NLRC3: variants seen among roughly 807,000 people sequenced by gnomAD.
The protein encoded by NLRC3 is NLR family CARD domain-containing protein 3.
NLRC3 carries 87 observed loss-of-function variants against 91.6 expected under a neutral mutation model. The ratio of observed to expected loss-of-function variants is 0.95; its 90% CI spans 0.80 to 1.14. NLRC3 has a LOEUF of 1.14. NLRC3 is among the 50% of genes most tolerant of loss of function. The pLI is 0.00. For synonymous variants in NLRC3, 694 were observed against 625.3 expected, an observed-to-expected ratio of 1.11 and a Z score of -1.64; for missense variants, 1,577 against 1,418.6, an observed-to-expected ratio of 1.11 and a Z score of -1.79.
chr16:3,563,473 C>A lies in NLRC3; in HGVS notation c.1464G>T (p.Arg488Ser). 6.3e-7 allele frequency: 1 copy of A among 1,587,122 alleles called. No homozygotes were observed. Among genetic ancestry groups the A allele is most frequent in the South Asian group, 1.1e-5 (1 of 87,326 alleles). ...TCCTGAAATGCGTGAGGAAGCCCAG[C>A]CTGGGCCAGGATACGCCGCTCTCAG... ...LFTESGVSWP[R>S]LGFLTHFRSA... The change falls in exon 5 of 20, where the codon AGG becomes AGT. Residue 488 changes from arginine (R) to serine (S), a missense_variant. Arg to Ser is a moderately radical substitution (Grantham distance 110). Transcript: ENST00000359128.
chr16:3,551,103 A>G (rs1022046518), intron 10 of NLRC3, among the ~76,000 whole-genome samples: 2 of 151,112 alleles, frequency 1.3e-5, no homozygotes, highest in Admixed American at 1.3e-4. Context: ...CTGTCCATCC[A>G]CTCATCCACC....
chr16:3,561,291 G>T (rs1474124981), intron 6 of NLRC3, among the ~76,000 whole-genome samples: 1 of 152,104 alleles, frequency 6.6e-6, no homozygotes, highest in African/African-American at 2.4e-5. Flanking sequence ...AGATTACAAT[G>T]AGCCGAGATC....
In NLRC3 at chr16:3,543,726, T is replaced by C. The variant is rs937701814; in HGVS notation, c.2856-218A>G. Reference sequence around the variant, plus strand: ...CTAAGGAGATGAGAAATAGAGGCTGTCCCTGGAAGGGCTCGGGGAGAATGC... The same window carrying C: ...CTAAGGAGATGAGAAATAGAGGCTGCCCCTGGAAGGGCTCGGGGAGAATGC... On this transcript the variant is annotated intron_variant, in intron 16 of 19. Coordinates refer to ENST00000359128, the MANE Select transcript of NLRC3 (RefSeq NM_178844.4). The C allele has an allele frequency of 8.8e-6, 5 of 568,540 alleles. No individual in the cohort carries two copies. In the African/African-American group the frequency reaches 9.4e-5, roughly 11 times the overall value. 35.2% of individuals were successfully genotyped at this position (568,540 alleles called of 1,614,324 possible).
chr16:3,551,680 C>T (rs1233550673), intron 10 of NLRC3, among the ~76,000 whole-genome samples: 2 of 151,820 alleles, frequency 1.3e-5, no homozygotes, highest in Non-Finnish European at 2.9e-5. Context: ...TCCATCCATC[C>T]TTCCATTCAC....
chr16:3,552,906 C>T (rs2039088900), intron 9 of NLRC3, among the ~76,000 whole-genome samples: 2 of 152,174 alleles, frequency 1.3e-5, no homozygotes, highest in Non-Finnish European at 2.9e-5. Flanking sequence ...CGCCACTGCA[C>T]TCCAGGCGGG....
intron 15 of NLRC3, chr16:3,544,594 C>CT: frequency 2.3e-6 from 1 of 432,750 alleles, no homozygotes; most frequent in Non-Finnish European, 4.2e-6. Flanking sequence ...TCAGCAGGGG[C>CT]TTGGGACCCA....
chr16:3,566,077 T>C (rs2039870432), intron 2 of NLRC3, among the ~76,000 whole-genome samples: 1 of 141,112 alleles, frequency 7.1e-6, no homozygotes, highest in African/African-American at 2.7e-5. Context: ...TTAACTCTTC[T>C]TGCTCCTGAG....
In NLRC3 at chr16:3,541,913, A is replaced by G. The variant is rs771169585; in HGVS notation, c.3110T>C (p.Leu1037Pro). ...SGNHRLQHIN[L>P]QGNHIGDSGA... The stretch of plus-strand genomic sequence containing the variant: ...GGAGTCCCCAATGTGGTTTCCCTGG[A>G]GACTAGAAGAGTAGGGTTAAGGCAG... The change falls in exon 20 of 20, where the codon CTC (leucine) becomes CCC (proline). Residue 1037 changes from leucine to proline, a missense_variant and splice_region_variant. Leu to Pro is a moderately conservative substitution (Grantham distance 98). Transcript: ENST00000359128. 5.7e-6 allele frequency: 9 copies of G among 1,592,432 alleles called. No homozygotes were observed. Among genetic ancestry groups the G allele is most frequent in the Non-Finnish European group, 7.7e-6 (9 of 1,162,088 alleles).
chr16:3,565,661 G>C (rs146772383), intron 2 of NLRC3, among the ~76,000 whole-genome samples: 1 of 152,098 alleles, frequency 6.6e-6, no homozygotes, highest in African/African-American at 2.4e-5. Flanking sequence ...TCCTAGGGCA[G>C]TAACATGACT....
intron 9 of NLRC3, 37 bp downstream of exon 9, chr16:3,554,205 G>A (rs768597332): frequency 4.0e-5 from 59 of 1,472,526 alleles, no homozygotes; most frequent in Admixed American, 2.0e-4. Flanking sequence ...GGAGGGAGAA[G>A]GGAGAGAAGG....
chr16:3,572,066 T>G (rs2040116791), intron 1 of NLRC3, among the ~76,000 whole-genome samples: 1 of 151,826 alleles, frequency 6.6e-6, no homozygotes, highest in African/African-American at 2.4e-5. Context: ...CCTTAATATA[T>G]AAAGAACTTA....
At chr16:3,569,027 A>T (rs1208841566) in intron 1 of NLRC3, among the ~76,000 whole-genome samples, 1 of 152,120 alleles carries the variant, frequency 6.6e-6, no homozygotes. Flanking sequence ...AAATTACTTC[A>T]GCAAGGCTGG....
At chr16:3,559,827 G>C (rs1301509873) in intron 6 of NLRC3, among the ~76,000 whole-genome samples, 1 of 151,710 alleles carries the variant, frequency 6.6e-6, no homozygotes, top group Admixed American at 6.6e-5. Flanking sequence ...TTTTTTAGTA[G>C]AGACAGGGTT....
At chr16:3,553,330 G>A (rs2039109450) in intron 9 of NLRC3, among the ~76,000 whole-genome samples, 1 of 152,224 alleles carries the variant, frequency 6.6e-6, no homozygotes, top group South Asian at 2.1e-4. Context: ...TCTTTGAAAT[G>A]TAAACATTAA....
chr16:3,574,215 A>C (rs991659065), intron 1 of NLRC3, among the ~76,000 whole-genome samples: 2 of 151,598 alleles, frequency 1.3e-5, no homozygotes, highest in African/African-American at 4.9e-5. Context: ...GGGTTTCACC[A>C]TGTTGGCCAG....
At chr16:3,551,591 C>G (rs1027227739) in intron 10 of NLRC3, among the ~76,000 whole-genome samples, 1 of 151,336 alleles carries the variant, frequency 6.6e-6, no homozygotes, top group African/African-American at 2.4e-5. Flanking sequence ...ATCCATTCAT[C>G]CACTCATCCA....
intron 15 of NLRC3, among the ~76,000 whole-genome samples, chr16:3,547,404 G>C (rs968116681): frequency 1.3e-5 from 2 of 151,674 alleles, no homozygotes; most frequent in Non-Finnish European, 2.9e-5. Flanking sequence ...TGGTTGCCAG[G>C]GTTGGGGGAA....
chr16:3,563,525 G>A lies in NLRC3; in HGVS notation c.1412C>T (p.Ser471Phe), dbSNP rs1208023270. ...FVAAAYYYGA[S>F]RRAIFDLFTE... ...GAAGAGGTCGAAGATGGCCCTCCTGGATGCGCCATAGTAATACGCGGCTGC... is the reference window on the plus strand; with the variant it reads ...GAAGAGGTCGAAGATGGCCCTCCTGAATGCGCCATAGTAATACGCGGCTGC... The change falls in exon 5 of 20, where the codon TCC becomes TTC. Residue 471 changes from serine to phenylalanine, a missense_variant. Ser to Phe is a radical substitution (Grantham distance 155, BLOSUM62 -2). Transcript: ENST00000359128. The A allele has an allele frequency of 1.2e-6, 2 of 1,606,522 alleles. No homozygotes were observed. The highest frequency in any genetic ancestry group is 1.7e-6 in the Non-Finnish European group (2 of 1,176,882).
chr16:3,542,911 T>G, intron 17 of NLRC3, 136 bp from the exon 18 acceptor site: 1 of 623,540 alleles, frequency 1.6e-6, no homozygotes, highest in Non-Finnish European at 2.9e-6. Flanking sequence ...GGCTGTGCCT[T>G]CCTCACTCCA....
Sources: gnomAD v4.1 joint callset for allele counts (sites outside exome capture counted in the v4.1 genomes callset) on GRCh38, gnomAD v4.1.1 for gene constraint, MANE v1.5 for transcripts, NCBI Gene and HGNC (gene_info 2026-07-23, HGNC 2026-07-21) for gene names.